FAT4: variants seen among roughly 807,000 people sequenced by gnomAD.
FAT4 encodes the protein protocadherin Fat 4.
A neutral mutation model predicts 303.9 loss-of-function variants in FAT4; 84 were observed. The observed-to-expected ratio is 0.28, with a 90% confidence interval of 0.23 to 0.33. FAT4 has a LOEUF of 0.33. Ranked by LOEUF, FAT4 falls within the 10% of genes least tolerant of loss-of-function variation. The pLI is 1.00. For missense variants in FAT4, 6,005 were observed against 6,146.8 expected (o/e 0.98, Z 0.77); for synonymous variants, 2,307 against 2,298.8 (o/e 1.00, Z -0.10).
chr4:125,322,545 C>G (rs1730994929), intron 2 of FAT4, among the ~76,000 whole-genome samples: 1 of 152,102 alleles, frequency 6.6e-6, no homozygotes, highest in Admixed American at 6.6e-5. Flanking sequence ...TCCCCAGGCC[C>G]CTCAAAGACA....
At chr4:125,477,452 C>A in intron 14 of FAT4, 118 bp downstream of exon 14, 1 of 955,884 alleles carries the variant, frequency 1.0e-6, no homozygotes, top group East Asian at 2.8e-5. Flanking sequence ...AAATGATTTA[C>A]ATTGTTTTGA....
At position 125,406,876 on chromosome 4, in the gene FAT4, T is replaced by A; in HGVS notation, c.5308-4T>A. 6.2e-7 allele frequency: 1 copy of A among 1,612,360 alleles called. No homozygotes were observed. The highest frequency in any genetic ancestry group is 8.5e-7 in the Non-Finnish European group (1 of 1,178,944). On this transcript the variant is annotated splice_polypyrimidine_tract_variant and splice_region_variant and intron_variant, in intron 3 of 17. Transcript: ENST00000394329. ...TAGCTCAGATGCTTGGTCTCTTTTT[T>A]TAGGGTGCAAATGCTCTCGTCACAT...
intron 2 of FAT4, among the ~76,000 whole-genome samples, chr4:125,381,318 G>T (rs1009554429): frequency 7.9e-5 from 12 of 152,088 alleles, no homozygotes; most frequent in Admixed American, 5.9e-4. Context: ...ATCAGTTTGG[G>T]TAGCTACTTG....
Position 125,320,720 on chromosome 4 carries a change from A to G in FAT4, c.4309A>G (p.Thr1437Ala). The change falls in exon 2 of 18, where the codon ACA (threonine) becomes GCA (alanine). Residue 1437 changes from threonine (T) to alanine (A), a missense_variant. Physicochemically the swap from Thr to Ala is moderately conservative, Grantham distance 58. Coordinates refer to ENST00000394329, the MANE Select transcript of FAT4 (RefSeq NM_001291303.3). ...KSIVENIPIG[T>A]SVISVTAHDP... is the part of the protein sequence containing the mutation. Reference sequence around the variant, plus strand: ...TATTGTTGAGAACATTCCCATCGGTACATCTGTCATTTCAGTGACTGCACA... The same window carrying G: ...TATTGTTGAGAACATTCCCATCGGTGCATCTGTCATTTCAGTGACTGCACA... 4 of 1,614,104 alleles carry G rather than the reference A, an allele frequency of 2.5e-6. No homozygotes were observed. The highest frequency in any genetic ancestry group is 3.4e-6 in the Non-Finnish European group (4 of 1,179,940).
intron 4 of FAT4, among the ~76,000 whole-genome samples, chr4:125,407,656 C>T (rs1734669939): frequency 3.3e-5 from 5 of 152,038 alleles, no homozygotes; most frequent in Admixed American, 3.3e-4. Flanking sequence ...TTTGCTAACA[C>T]AGGGCTTGGG....
At chr4:125,375,633 A>G (rs1733285105) in intron 2 of FAT4, among the ~76,000 whole-genome samples, 1 of 152,238 alleles carries the variant, frequency 6.6e-6, no homozygotes, top group Non-Finnish European at 1.5e-5. Flanking sequence ...GGCCTAGTTC[A>G]GTAATTTTCT....
At chr4:125,429,432 G>T (rs1259074906) in intron 7 of FAT4, among the ~76,000 whole-genome samples, 1 of 152,046 alleles carries the variant, frequency 6.6e-6, no homozygotes, top group African/African-American at 2.4e-5. Flanking sequence ...ATAATATAGA[G>T]CAAAACATCT....
At chr4:125,486,929 C>A (rs1490219887) in intron 16 of FAT4, among the ~76,000 whole-genome samples, 1 of 151,958 alleles carries the variant, frequency 6.6e-6, no homozygotes, top group South Asian at 2.1e-4. Context: ...TTTCTTTTTG[C>A]AAGTGGTTTT....
intron 11 of FAT4, among the ~76,000 whole-genome samples, chr4:125,467,267 C>T (rs1048827429): frequency 3.9e-5 from 6 of 152,126 alleles, no homozygotes; most frequent in Non-Finnish European, 1.5e-5. Context: ...TTGGCTGTTT[C>T]TCTTGGTTCT....
chr4:125,357,539 A>G (rs956356364), intron 2 of FAT4, among the ~76,000 whole-genome samples: 28 of 152,164 alleles, frequency 1.8e-4, no homozygotes, highest in Non-Finnish European at 3.2e-4. Context: ...AATGAGATAC[A>G]TTTGCCATTT....
At chr4:125,334,900 G>A (rs1332108767) in intron 2 of FAT4, among the ~76,000 whole-genome samples, 1 of 152,100 alleles carries the variant, frequency 6.6e-6, no homozygotes, top group Non-Finnish European at 1.5e-5. Context: ...ATGTGGAACA[G>A]AACAGCCTGT....
chr4:125,382,743 G>T (rs1733588709), intron 2 of FAT4, among the ~76,000 whole-genome samples: 1 of 152,168 alleles, frequency 6.6e-6, no homozygotes, highest in Non-Finnish European at 1.5e-5. Context: ...TGTCTCATGT[G>T]GCATCTACCA....
intron 17 of FAT4, among the ~76,000 whole-genome samples, chr4:125,488,302 T>G (rs1335016258): frequency 4.6e-5 from 7 of 152,182 alleles, no homozygotes; most frequent in Admixed American, 4.6e-4. Context: ...CATGTTGCAG[T>G]TTTGGTCTTA....
intron 2 of FAT4, among the ~76,000 whole-genome samples, chr4:125,379,119 A>G (rs1210143546): frequency 6.6e-6 from 1 of 152,180 alleles, no homozygotes. Context: ...TGGAAGCATA[A>G]AGCTTTTTAA....
Position 125,450,819 on chromosome 4 carries a change from T to C in FAT4, c.9809T>C (p.Val3270Ala), listed in dbSNP as rs1467536838. The change falls in exon 10 of 18, where the codon GTG becomes GCG. Residue 3270 changes from valine to alanine, a missense_variant. By Grantham distance (64) the Val-to-Ala change is moderately conservative. Coordinates refer to ENST00000394329, the MANE Select transcript of FAT4 (RefSeq NM_001291303.3). Reference sequence around the variant, plus strand: ...ACCAAGCAGAGCTACCATCTTACTGTGAAAGCCTTCAATGTCCCCGATGAG... The same window carrying C: ...ACCAAGCAGAGCTACCATCTTACTGCGAAAGCCTTCAATGTCCCCGATGAG... ...FETKQSYHLT[V>A]KAFNVPDEER... is the part of the protein sequence containing the mutation. The C allele has an allele frequency of 6.2e-6, 10 of 1,614,008 alleles. No homozygotes were observed. Among genetic ancestry groups the C allele is most frequent in the Non-Finnish European group, 8.5e-6 (10 of 1,180,020 alleles).
At chr4:125,471,943 G>A (rs1267773274) in intron 12 of FAT4, among the ~76,000 whole-genome samples, 1 of 142,004 alleles carries the variant, frequency 7.0e-6, no homozygotes, top group Admixed American at 7.1e-5. Context: ...CCGGCATAGC[G>A]GTGTGCGCCT....
chr4:125,427,969 C>G (rs1725146309), intron 7 of FAT4, among the ~76,000 whole-genome samples: 1 of 152,134 alleles, frequency 6.6e-6, no homozygotes, highest in African/African-American at 2.4e-5. Flanking sequence ...TCTGATAGAG[C>G]AGTGACCTGA....
At chr4:125,376,092 G>A (rs1185075844) in intron 2 of FAT4, among the ~76,000 whole-genome samples, 1 of 152,188 alleles carries the variant, frequency 6.6e-6, no homozygotes, top group Non-Finnish European at 1.5e-5. Flanking sequence ...TCTAGCTATT[G>A]CTGTGAATTT....
rs139132509 is a variant in FAT4 at position 125,449,554 on chromosome 4, C to T, written c.8544C>T (p.Ser2848=). The change falls in exon 10 of 18, where the codon TCC becomes TCT. Residue 2848 remains serine (S), a synonymous_variant. Coordinates refer to ENST00000394329, the MANE Select transcript of FAT4 (RefSeq NM_001291303.3). ...CAGACCGTTACAGAATTCGAGTTTC[C>T]GCACATGATTCTGGGTGGACTGTAA... ...EDTDRYRIRV[S]AHDSGWTVST... The T allele has an allele frequency of 0.011, 17,579 of 1,613,226 alleles. 113 individuals carry two copies. The highest frequency in any genetic ancestry group is 0.013 in the Non-Finnish European group (15,897 of 1,179,408).
Sources: allele counts gnomAD v4.1 joint callset (sites outside exome capture counted in the v4.1 genomes callset), GRCh38; gene constraint gnomAD v4.1.1; transcripts MANE v1.5; gene names NCBI Gene and HGNC (gene_info 2026-07-23, HGNC 2026-07-21).